The following C21orf91 variants were observed in gnomAD, a reference collection of about 807,000 sequenced individuals.
C21orf91 encodes the protein chromosome 21 open reading frame 91.
In C21orf91, 26 loss-of-function variants were observed where a neutral mutation model predicts 32.9. The observed-to-expected ratio is 0.79, with a 90% confidence interval of 0.58 to 1.10. The LOEUF (loss-of-function observed/expected upper bound fraction) is 1.10. C21orf91 is among the 50% of genes least tolerant of loss of function. The pLI, the probability that C21orf91 is intolerant of heterozygous loss-of-function variation, is 0.00. For missense variants in C21orf91, 310 were observed against 341.3 expected (o/e 0.91, Z 0.72); for synonymous variants, 126 against 120.4 (o/e 1.05, Z -0.31).
At chr21:17,814,868 T>G (rs1160637431) in intron 2 of C21orf91, among the ~76,000 whole-genome samples, 1 of 152,142 alleles carries the variant, frequency 6.6e-6, no homozygotes, top group African/African-American at 2.4e-5. Flanking sequence ...TATCAAATGG[T>G]GAAGCATAGG....
intron 2 of C21orf91, chr21:17,808,877 TGGA>T (rs1327067982): frequency 6.6e-6 from 1 of 152,172 alleles, no homozygotes; most frequent in African/African-American, 2.4e-5. Flanking sequence ...TCCCTAATAT[TGGA>T]GGAGGGGCTT....
At chr21:17,817,451 CAACTCAA>C (rs2062671429) in intron 2 of C21orf91, among the ~76,000 whole-genome samples, 1 of 151,964 alleles carries the variant, frequency 6.6e-6, no homozygotes, top group Admixed American at 6.6e-5. Flanking sequence ...TGATATGTTA[CAACTCAA>C]AACTCAAATT....
chr21:17,801,585 A>G (rs1178011814), intron 2 of C21orf91, among the ~76,000 whole-genome samples: 1 of 151,760 alleles, frequency 6.6e-6, no homozygotes. Flanking sequence ...GTTCTTATTC[A>G]TAAGTGGGAG....
chr21:17,798,810 C>T (rs1293904269), intron 2 of C21orf91, among the ~76,000 whole-genome samples: 1 of 152,154 alleles, frequency 6.6e-6, no homozygotes, highest in Non-Finnish European at 1.5e-5. Context: ...GATAATAAGA[C>T]AAAACAGTAG....
At chr21:17,812,493 T>A (rs1363322079) in intron 2 of C21orf91, among the ~76,000 whole-genome samples, 2 of 152,142 alleles carry the variant, frequency 1.3e-5, no homozygotes, top group African/African-American at 4.8e-5. Context: ...AGTGGGTTAG[T>A]TATCTTCAGA....
Position 17,799,480 on chromosome 21 carries a change from C to T in C21orf91, c.128-2362G>A, listed in dbSNP as rs1300805119. ...AACCTGGGTGTCCTCCTTGAAAGCTCTTCACTCCCCGCAATCCCAGAGGTT... is the reference window on the plus strand; with the variant it reads ...AACCTGGGTGTCCTCCTTGAAAGCTTTTCACTCCCCGCAATCCCAGAGGTT... On this transcript the variant is annotated intron_variant, in intron 2 of 4. Transcript: ENST00000284881. 3.9e-5 allele frequency among the ~76,000 whole-genome samples: 6 copies of T among 152,230 alleles called. No homozygotes were observed. The East Asian group carries it at 1.2e-3, about 29-fold the overall frequency.
Position 17,790,879 on chromosome 21 carries a change from G to C in C21orf91, c.*2536C>G. ...AAATTATAAAACTGAACGTGAAAAAGATTTGTCTTATCTCACTCCCCTTAA... is the reference window on the plus strand; with the variant it reads ...AAATTATAAAACTGAACGTGAAAAACATTTGTCTTATCTCACTCCCCTTAA... On this transcript the variant is annotated 3_prime_UTR_variant, in exon 5 of 5. Coordinates refer to ENST00000284881, the MANE Select transcript of C21orf91 (RefSeq NM_001100420.2). 6.6e-6 allele frequency: 1 copy of C among 152,032 alleles called. No homozygotes were observed. Among genetic ancestry groups the C allele is most frequent in the East Asian group, 1.9e-4 (1 of 5,206 alleles). 9.4% of individuals were successfully genotyped at this position (152,032 alleles called of 1,614,324 possible). A position where few individuals can be genotyped will look rare whatever the true frequency, so the allele number is the denominator to read the frequency against.
chr21:17,796,149 T>C (rs1455984467), intron 3 of C21orf91, among the ~76,000 whole-genome samples: 1 of 152,208 alleles, frequency 6.6e-6, no homozygotes, highest in Non-Finnish European at 1.5e-5. Flanking sequence ...CCTTTCTAAC[T>C]TTACAATAAG....
chr21:17,811,624 CTG>C lies in C21orf91; in HGVS notation c.127+6566_127+6567del, dbSNP rs145882437. 2.5e-3 allele frequency among the ~76,000 whole-genome samples: 375 copies of C among 152,208 alleles called. 10 individuals carry two copies. In the East Asian group the frequency reaches 0.068, roughly 28 times the overall value. ...ACTGTAAGTTATTTCAACATAAAAA[CTG>C]TATCTTTGAGAATATTTTTGATCCA... On this transcript the variant is annotated intron_variant, in intron 2 of 4. Transcript: ENST00000284881.
chr21:17,795,095 T>C, intron 4 of C21orf91, 113 bp downstream of exon 4: 1 of 763,532 alleles, frequency 1.3e-6, no homozygotes, highest in South Asian at 1.4e-5. Flanking sequence ...CTAACAGGTT[T>C]GAATATCTCA....
rs986107600 is a variant in C21orf91, at chr21:17,791,292, T to A, written c.*2123A>T. On this transcript the variant is annotated 3_prime_UTR_variant, in exon 5 of 5. Transcript: ENST00000284881. The stretch of plus-strand genomic sequence containing the variant: ...TTTTTTTTAAGAGCACCTCTCCTTT[T>A]TAGAGCTTAAGTAGAAATATCTAAA... 2.6e-5 allele frequency: 4 copies of A among 152,246 alleles called. No homozygotes were observed. The South Asian group carries it at 8.3e-4, about 32-fold the overall frequency. The allele number at this position is 152,246 out of a possible 1,614,324, so 9.4% of individuals were successfully genotyped here.
intron 2 of C21orf91, among the ~76,000 whole-genome samples, chr21:17,817,363 C>A (rs1395134782): frequency 6.6e-6 from 1 of 151,948 alleles, no homozygotes; most frequent in East Asian, 1.9e-4. Flanking sequence ...TGAAAAATTT[C>A]AAATATATAA....
Position 17,793,515 on chromosome 21 carries a change from C to T in C21orf91, c.794G>A (p.Arg265His), listed in dbSNP as rs764235279. 2.5e-6 allele frequency: 4 copies of T among 1,613,354 alleles called. No individual in the cohort carries two copies. Among genetic ancestry groups the T allele is most frequent in the Non-Finnish European group, 2.5e-6 (3 of 1,179,572 alleles). The change falls in exon 5 of 5, where the codon CGC (arginine) becomes CAC (histidine). Residue 265 changes from arginine (R) to histidine (H), a missense_variant. Physicochemically the swap from Arg to His is conservative, Grantham distance 29. Transcript: ENST00000284881. Reference protein sequence around the residue: ...KDSLASQLHVRHVAIEQLLKN... With the variant: ...KDSLASQLHVHHVAIEQLLKN... ...CAGAAGCTGTTCGATGGCAACGTGG[C>T]GGACATGGAGCTGTGAGGCCAAAGA...
At chr21:17,815,613 T>G (rs1368890193) in intron 2 of C21orf91, among the ~76,000 whole-genome samples, 1 of 152,206 alleles carries the variant, frequency 6.6e-6, no homozygotes, top group Non-Finnish European at 1.5e-5. Context: ...ATATAAAAAC[T>G]AAAATTTTGT....
intron 2 of C21orf91, among the ~76,000 whole-genome samples, chr21:17,806,192 T>C (rs1243738993): frequency 6.6e-6 from 1 of 152,148 alleles, no homozygotes; most frequent in Non-Finnish European, 1.5e-5. Flanking sequence ...TCTATGTTCT[T>C]ACAAACAAGA....
chr21:17,797,448 T>C (rs1229617115), intron 2 of C21orf91, among the ~76,000 whole-genome samples: 2 of 152,022 alleles, frequency 1.3e-5, no homozygotes, highest in African/African-American at 4.8e-5. Context: ...TACATTATAG[T>C]GCTTTCTTCA....
chr21:17,818,291 T>C lies in C21orf91; in HGVS notation c.28A>G (p.Ile10Val). ...CAAATGTTGTCATCATTCAAATCAA[T>C]GTTTACAAACTGCTCCTCTTCGTTC... is the stretch of plus-strand genomic sequence containing the variant. Reference protein sequence around the residue: MNEEEQFVNIDLNDDNICSV... With the variant: MNEEEQFVNVDLNDDNICSV... The change falls in exon 2 of 5, where the codon ATT becomes GTT. Residue 10 changes from isoleucine (I) to valine (V), a missense_variant. Transcript: ENST00000284881. 1 of 1,612,890 alleles carries C rather than the reference T, an allele frequency of 6.2e-7. No homozygotes were observed. The highest frequency in any genetic ancestry group is 8.5e-7 in the Non-Finnish European group (1 of 1,179,230).
intron 1 of C21orf91, 48 bp from the exon 2 acceptor site, chr21:17,818,373 T>TACCA: frequency 6.6e-7 from 1 of 1,516,912 alleles, no homozygotes; most frequent in South Asian, 1.2e-5. Context: ...TGAACCTGCC[T>TACCA]TTGGGGTAGT....
intron 2 of C21orf91, among the ~76,000 whole-genome samples, chr21:17,800,042 A>C (rs1023688187): frequency 6.6e-6 from 1 of 152,152 alleles, no homozygotes; most frequent in African/African-American, 2.4e-5. Flanking sequence ...TATCAGTGGC[A>C]CTGATACAGA....
Sources: allele counts gnomAD v4.1 joint callset (sites outside exome capture counted in the v4.1 genomes callset), GRCh38; gene constraint gnomAD v4.1.1; transcripts MANE v1.5; gene names NCBI Gene and HGNC (gene_info 2026-07-23, HGNC 2026-07-21).